DOCK3: variants seen among roughly 807,000 people sequenced by gnomAD.
DOCK3 encodes dedicator of cytokinesis protein 3.
DOCK3 carries 60 observed loss-of-function variants against 265.6 expected under a neutral mutation model. The ratio of observed to expected loss-of-function variants is 0.23; its 90% CI spans 0.18 to 0.28. The LOEUF (loss-of-function observed/expected upper bound fraction) is 0.28. Among genes scored for constraint, DOCK3 ranks in the 10% least tolerant of loss-of-function variants. The pLI is 1.00. For synonymous variants in DOCK3, 881 were observed against 938.0 expected, an observed-to-expected ratio of 0.94 and a Z score of 1.11; for missense variants, 1,981 against 2,594.3, an observed-to-expected ratio of 0.76 and a Z score of 5.14.
chr3:50,689,020 G>C (rs2035033870), intron 1 of DOCK3, among the ~76,000 whole-genome samples: 1 of 152,160 alleles, frequency 6.6e-6, no homozygotes, highest in African/African-American at 2.4e-5. Flanking sequence ...TTAAGTGTCG[G>C]ATTGTGACTT....
chr3:51,006,854 A>G (rs2078698590), intron 5 of DOCK3, among the ~76,000 whole-genome samples: 1 of 152,032 alleles, frequency 6.6e-6, no homozygotes, highest in Non-Finnish European at 1.5e-5. Context: ...ATTCCCACCT[A>G]TGAGTGAGAA....
intron 5 of DOCK3, among the ~76,000 whole-genome samples, chr3:50,960,725 T>C (rs1223092119): frequency 6.6e-6 from 1 of 152,158 alleles, no homozygotes; most frequent in Non-Finnish European, 1.5e-5. Context: ...TTTTTAAATG[T>C]ATTGTGCTTT....
At chr3:51,168,693 A>G (rs1021324496) in intron 12 of DOCK3, among the ~76,000 whole-genome samples, 7 of 152,254 alleles carry the variant, frequency 4.6e-5, no homozygotes, top group Admixed American at 2.6e-4. Context: ...CAAAGATTTC[A>G]TGATGAAAAT....
intron 3 of DOCK3, among the ~76,000 whole-genome samples, chr3:50,880,907 C>T (rs751014890): frequency 4.6e-5 from 7 of 152,128 alleles, no homozygotes; most frequent in African/African-American, 1.2e-4. Context: ...AATCCAGCAG[C>T]GAATCAAAAA....
intron 7 of DOCK3, among the ~76,000 whole-genome samples, chr3:51,081,812 C>T (rs915416032): frequency 2.7e-5 from 4 of 149,234 alleles, no homozygotes; most frequent in Admixed American, 6.8e-5. Context: ...AGGAGAATGG[C>T]GTGAACCTGG....
At chr3:51,059,243 G>T (rs962090211) in intron 5 of DOCK3, among the ~76,000 whole-genome samples, 2 of 151,992 alleles carry the variant, frequency 1.3e-5, no homozygotes, top group Admixed American at 1.3e-4. Context: ...TTTTATAAGG[G>T]CACTAATCCC....
At chr3:51,258,684 ATAGGGATTC>A (rs909121465) in intron 22 of DOCK3, among the ~76,000 whole-genome samples, 1 of 151,920 alleles carries the variant, frequency 6.6e-6, no homozygotes, top group Non-Finnish European at 1.5e-5. Context: ...TCCTTTACCT[ATAGGGATTC>A]TAGTCCCTAC....
intron 36 of DOCK3, 97 bp from the exon 37 acceptor site, chr3:51,338,838 C>T (rs1054805186): frequency 8.7e-6 from 9 of 1,028,986 alleles, no homozygotes; most frequent in South Asian, 5.6e-5. Context: ...CTGCCCTCCC[C>T]CTCCTGCCCA....
rs966522251 is a variant in DOCK3 at position 51,090,211 on chromosome 3, T to C, written c.592-19T>C. 5 of 1,527,396 alleles carry C rather than the reference T, an allele frequency of 3.3e-6. No homozygotes were observed. The highest frequency in any genetic ancestry group is 4.4e-6 in the Non-Finnish European group (5 of 1,142,998). The allele number at this position is 1,527,396 out of a possible 1,614,324, so 94.6% of individuals were successfully genotyped here. On this transcript the variant is annotated intron_variant, in intron 8 of 52. Transcript: ENST00000266037. ...AATAACTAAAATAAAAATCACTGGG[T>C]TTTTTTCTTCCTCATTAGGTAGATA...
chr3:50,718,868 C>G (rs900611605), intron 1 of DOCK3, among the ~76,000 whole-genome samples: 1 of 150,590 alleles, frequency 6.6e-6, no homozygotes, highest in Admixed American at 6.6e-5. Flanking sequence ...CACTTGTGCT[C>G]CACCTCCTGG....
intron 49 of DOCK3, among the ~76,000 whole-genome samples, chr3:51,368,043 G>A (rs922765451): frequency 2.6e-5 from 4 of 152,160 alleles, no homozygotes; most frequent in African/African-American, 7.2e-5. Flanking sequence ...GGCCTGCCTC[G>A]GTAGGTTGGG....
At chr3:51,012,327 C>A (rs1197891326) in intron 5 of DOCK3, among the ~76,000 whole-genome samples, 1 of 152,188 alleles carries the variant, frequency 6.6e-6, no homozygotes, top group African/African-American at 2.4e-5. Flanking sequence ...ACTGTTTTTA[C>A]CTACTCAAGC....
At chr3:50,736,619 T>G (rs1040301657) in intron 1 of DOCK3, among the ~76,000 whole-genome samples, 12 of 152,126 alleles carry the variant, frequency 7.9e-5, no homozygotes, top group Non-Finnish European at 1.3e-4. Context: ...GGTATCTCAT[T>G]GTGGTTTTGA....
intron 5 of DOCK3, among the ~76,000 whole-genome samples, chr3:50,938,947 G>A (rs1281496057): frequency 2.0e-5 from 3 of 150,456 alleles, no homozygotes; most frequent in African/African-American, 7.3e-5. Context: ...ATGAAGAGCA[G>A]AAATTAATGA....
At chr3:50,750,068 C>G (rs1412448369) in intron 1 of DOCK3, among the ~76,000 whole-genome samples, 1 of 152,148 alleles carries the variant, frequency 6.6e-6, no homozygotes, top group East Asian at 1.9e-4. Context: ...CGCCTCCTGT[C>G]AGATCAGCAG....
At chr3:50,919,884 G>A in intron 4 of DOCK3, among the ~76,000 whole-genome samples, 1 of 152,238 alleles carries the variant, frequency 6.6e-6, no homozygotes, top group Non-Finnish European at 1.5e-5. Flanking sequence ...TTGGCTGTGG[G>A]TTTGTCATAA....
chr3:51,333,377 T>G, intron 35 of DOCK3, 124 bp downstream of exon 35: 1 of 976,164 alleles, frequency 1.0e-6, no homozygotes, highest in Non-Finnish European at 1.6e-6. Context: ...TGATATTGGG[T>G]GCCATCACCA....
At chr3:50,983,278 A>G (rs2077765167) in intron 5 of DOCK3, among the ~76,000 whole-genome samples, 2 of 152,142 alleles carry the variant, frequency 1.3e-5, no homozygotes, top group Admixed American at 6.5e-5. Flanking sequence ...GGAGGCAGAC[A>G]GGCTCCTGGG....
chr3:51,159,370 C>T, intron 11 of DOCK3, 66 bp downstream of exon 11: 1 of 1,464,898 alleles, frequency 6.8e-7, no homozygotes, highest in Non-Finnish European at 9.5e-7. Flanking sequence ...ATGTCTTGTG[C>T]ATGAGCTTTG....
Sources: allele counts gnomAD v4.1 joint callset (sites outside exome capture counted in the v4.1 genomes callset), GRCh38; gene constraint gnomAD v4.1.1; transcripts MANE v1.5; gene names NCBI Gene and HGNC (gene_info 2026-07-23, HGNC 2026-07-21).